The following ELMO1 variants were observed in gnomAD, a reference collection of about 807,000 sequenced individuals.
ELMO1 encodes the protein engulfment and cell motility protein 1.
A neutral mutation model predicts 98.9 loss-of-function variants in ELMO1; 26 were observed. The ratio of observed to expected loss-of-function variants is 0.26; its 90% CI spans 0.19 to 0.36. The LOEUF (loss-of-function observed/expected upper bound fraction) is 0.36, where lower values mean the gene tolerates loss of function less well. ELMO1 is among the 10% of genes least tolerant of loss of function. The probability of loss-of-function intolerance (pLI) is 1.00; values close to 1 mark genes in which losing one functional copy is unlikely to be tolerated. For synonymous variants in ELMO1, 346 were observed against 346.0 expected, an observed-to-expected ratio of 1.00 and a Z score of 0.00; for missense variants, 627 against 935.2, an observed-to-expected ratio of 0.67 and a Z score of 4.30.
chr7:36,925,593 G>T (rs1436564257), intron 16 of ELMO1, among the ~76,000 whole-genome samples: 1 of 152,200 alleles, frequency 6.6e-6, no homozygotes, highest in Admixed American at 6.5e-5. Context: ...TGGGGCCCCA[G>T]TGCAGGGCCT....
intron 1 of ELMO1, among the ~76,000 whole-genome samples, chr7:37,358,267 T>C (rs908282656): frequency 6.6e-6 from 1 of 152,228 alleles, no homozygotes; most frequent in Non-Finnish European, 1.5e-5. Context: ...AACAGTATAC[T>C]GATAATTTCA....
chr7:37,258,274 C>CA (rs200709785), intron 6 of ELMO1, among the ~76,000 whole-genome samples: 1,697 of 133,758 alleles, frequency 0.013, 45 homozygotes, highest in Middle Eastern at 0.017. Flanking sequence ...CTACCAAAAA[C>CA]AAAAAACAAA....
chr7:37,306,019 A>C (rs1252504660), intron 4 of ELMO1, among the ~76,000 whole-genome samples: 1 of 152,224 alleles, frequency 6.6e-6, no homozygotes, highest in African/African-American at 2.4e-5. Flanking sequence ...GTGGGGCTAC[A>C]GTTATGTTAG....
intron 5 of ELMO1, among the ~76,000 whole-genome samples, chr7:37,267,134 A>C (rs1262588115): frequency 2.0e-5 from 3 of 151,776 alleles, no homozygotes; most frequent in Non-Finnish European, 2.9e-5. Flanking sequence ...GTTAGCCCAA[A>C]GGTAACAGTT....
chr7:37,442,791 G>A (rs1462158556), intron 1 of ELMO1, among the ~76,000 whole-genome samples: 2 of 152,198 alleles, frequency 1.3e-5, no homozygotes, highest in African/African-American at 4.8e-5. Flanking sequence ...GGAGTGAAGA[G>A]CCTCTCTGGA....
intron 1 of ELMO1, among the ~76,000 whole-genome samples, chr7:37,445,450 C>T (rs1805573817): frequency 6.6e-6 from 1 of 152,166 alleles, no homozygotes; most frequent in Non-Finnish European, 1.5e-5. Context: ...TAGGAATGAT[C>T]ACCTTTAACC....
rs1391867049 is a variant in ELMO1, at chr7:37,342,247, A to G, written c.78+366T>C. ...AAATGAAAAAAAAGGGATTTTAAAA[A>G]TTAAGTTTTGTCTTGCCTGTGTTCC... On this transcript the variant is annotated intron_variant, in intron 2 of 21. Coordinates refer to ENST00000310758, the MANE Select transcript of ELMO1 (RefSeq NM_014800.11). The surrounding 1 kb of genome is among the most constrained non-coding windows in gnomAD (Gnocchi z 4.3). Among the ~76,000 whole-genome samples, 1 of 152,210 alleles carries G rather than the reference A, an allele frequency of 6.6e-6. No individual in the cohort carries two copies. Among genetic ancestry groups the G allele is most frequent in the African/African-American group, 2.4e-5 (1 of 41,440 alleles).
At chr7:36,926,190 C>G (rs1440349962) in intron 16 of ELMO1, among the ~76,000 whole-genome samples, 3 of 152,140 alleles carry the variant, frequency 2.0e-5, no homozygotes, top group African/African-American at 7.2e-5. Context: ...GGGAAGAACC[C>G]CAAATTCCAG....
intron 16 of ELMO1, among the ~76,000 whole-genome samples, chr7:36,905,431 G>C (rs905413233): frequency 6.6e-6 from 1 of 152,090 alleles, no homozygotes; most frequent in Non-Finnish European, 1.5e-5. Context: ...CCAAAATCAG[G>C]GGAGGAATTC....
At chr7:36,954,136 A>C (rs967402247) in intron 16 of ELMO1, among the ~76,000 whole-genome samples, 26 of 152,108 alleles carry the variant, frequency 1.7e-4, no homozygotes, top group African/African-American at 6.0e-4. Flanking sequence ...GTTCTTCATG[A>C]TCTGGACAGC....
intron 13 of ELMO1, among the ~76,000 whole-genome samples, chr7:37,199,762 T>G (rs1056896500): frequency 1.3e-5 from 2 of 152,110 alleles, no homozygotes; most frequent in Non-Finnish European, 2.9e-5. Flanking sequence ...CTGCACCAGT[T>G]TGGATGTCCT....
intron 5 of ELMO1, among the ~76,000 whole-genome samples, chr7:37,260,107 C>G (rs530134358): frequency 3.3e-5 from 5 of 152,280 alleles, no homozygotes; most frequent in Admixed American, 1.3e-4. Context: ...TTTTATTCAT[C>G]AAGTCAAGGT....
rs146547271 is a variant in ELMO1 at position 37,375,615 on chromosome 7, G to A, written c.-73-32852C>T. ...CAAGAAGGATGTCCCCCATGCCTAA[G>A]CACCAGGAGCTGGCAGACAAGAATG... is the stretch of plus-strand genomic sequence containing the variant. On this transcript the variant is annotated intron_variant, in intron 1 of 21. Coordinates refer to ENST00000310758, the MANE Select transcript of ELMO1 (RefSeq NM_014800.11). 1.3e-3 allele frequency: 1,487 copies of A among 1,147,274 alleles called. 11 individuals carry two copies. In the African/African-American group the frequency reaches 0.021, roughly 16 times the overall value. 71.1% of individuals were successfully genotyped at this position (1,147,274 alleles called of 1,614,324 possible).
chr7:36,933,975 G>A (rs1221220880), intron 16 of ELMO1, among the ~76,000 whole-genome samples: 1 of 152,184 alleles, frequency 6.6e-6, no homozygotes, highest in Non-Finnish European at 1.5e-5. Context: ...TTGAAAAAGG[G>A]TTTGGTATGG....
chr7:36,918,773 A>G (rs1279355219), intron 16 of ELMO1, among the ~76,000 whole-genome samples: 1 of 152,248 alleles, frequency 6.6e-6, no homozygotes, highest in Non-Finnish European at 1.5e-5. Context: ...TTCAAAATAT[A>G]TGATTAGTGT....
chr7:37,317,472 A>G (rs1471931002), intron 2 of ELMO1, among the ~76,000 whole-genome samples: 1 of 152,250 alleles, frequency 6.6e-6, no homozygotes, highest in African/African-American at 2.4e-5. Context: ...GAACATATAC[A>G]CAATGAAGTA....
intron 17 of ELMO1, among the ~76,000 whole-genome samples, chr7:36,888,866 T>C (rs1377362764): frequency 6.6e-6 from 1 of 152,242 alleles, no homozygotes; most frequent in Non-Finnish European, 1.5e-5. Flanking sequence ...AGAAAGGTAC[T>C]CATGCTTGTT....
At chr7:37,236,235 G>GA (rs931754747) in intron 7 of ELMO1, among the ~76,000 whole-genome samples, 8 of 151,892 alleles carry the variant, frequency 5.3e-5, no homozygotes, top group South Asian at 2.1e-4. Flanking sequence ...AGGACTTTGG[G>GA]AAAAAAAAGC....
chr7:37,248,115 A>G (rs562344754), intron 6 of ELMO1, among the ~76,000 whole-genome samples: 1 of 150,046 alleles, frequency 6.7e-6, no homozygotes, highest in Admixed American at 6.6e-5. Flanking sequence ...TTGCATCCTC[A>G]CTTTGGCTTC....
Sources: gnomAD v4.1 joint callset for allele counts (sites outside exome capture counted in the v4.1 genomes callset) on GRCh38, gnomAD v4.1.1 for gene constraint, Gnocchi (gnomAD v3.1) non-coding constraint, MANE v1.5 for transcripts, NCBI Gene and HGNC (gene_info 2026-07-23, HGNC 2026-07-21) for gene names.